The following ATP1A4 variants were observed in gnomAD, a reference collection of about 807,000 sequenced individuals.
ATP1A4 encodes ATPase Na+/K+ transporting subunit alpha 4, also known as sodium/potassium-transporting ATPase subunit alpha-4.
Under a neutral mutation model 114.3 loss-of-function variants are expected in ATP1A4, and 90 were observed. The observed-to-expected ratio is 0.79, with a 90% CI of 0.66 to 0.94. The LOEUF is 0.94. ATP1A4 is among the 40% of genes least tolerant of loss of function. ATP1A4 has a pLI of 0.00. For missense variants in ATP1A4, 1,222 were observed against 1,313.6 expected (o/e 0.93, Z 1.08); for synonymous variants, 511 against 494.1 (o/e 1.03, Z -0.45).
At chr1:160,163,959 C>T (rs1259212770) in intron 6 of ATP1A4, among the ~76,000 whole-genome samples, 197 bp from the exon 7 acceptor site, 2 of 152,128 alleles carry the variant, frequency 1.3e-5, no homozygotes, top group East Asian at 1.9e-4. Context: ...TCCTATCACT[C>T]AAGAAATTAC....
intron 9 of ATP1A4, 22 bp downstream of exon 9, chr1:160,167,099 G>T: frequency 6.2e-7 from 1 of 1,610,210 alleles, no homozygotes; most frequent in Admixed American, 1.7e-5. Flanking sequence ...AAGGGGAAGA[G>T]GGTACCTCAG....
At position 160,151,924 on chromosome 1, in the gene ATP1A4, C is replaced by T. The variant is rs1652466572; in HGVS notation, c.-117C>T. 12 of 1,207,718 alleles carry T rather than the reference C, an allele frequency of 9.9e-6. No homozygotes were observed. The highest frequency in any genetic ancestry group is 1.4e-5 in the Non-Finnish European group (12 of 878,088). The allele number at this position is 1,207,718 out of a possible 1,614,324, so 74.8% of individuals were successfully genotyped here. The stretch of plus-strand genomic sequence containing the variant: ...CTTTCTTTCTGCTCCCTCATTCTCT[C>T]CCCACCACTCTCTTCTCGTGGCCCC... On this transcript the variant is annotated 5_prime_UTR_variant, in exon 1 of 22. Coordinates refer to ENST00000368081, the MANE Select transcript of ATP1A4 (RefSeq NM_144699.4).
At position 160,173,617 on chromosome 1, in the gene ATP1A4, A is replaced by T; in HGVS notation, c.1891A>T (p.Lys631Ter). 6.2e-7 allele frequency: 1 copy of T among 1,614,200 alleles called. No homozygotes were observed. Among genetic ancestry groups the T allele is most frequent in the Non-Finnish European group, 8.5e-7 (1 of 1,180,028 alleles). The change falls in exon 13 of 22, where the codon AAG (lysine) becomes TAG (stop). Residue 631 changes from lysine (K) to a stop codon, truncating the protein, a stop_gained. Transcript: ENST00000368081. LOFTEE classifies it high-confidence loss of function. ...MVTGDHPITA[K>*]AIAKGVGIIS... ...AACAGGAGATCATCCCATTACAGCT[A>T]AGGCCATTGCCAAGGGTGTGGGCAT...
intron 20 of ATP1A4, among the ~76,000 whole-genome samples, chr1:160,183,799 A>T (rs566937119): frequency 1.2e-4 from 19 of 152,344 alleles, no homozygotes; most frequent in African/African-American, 4.3e-4. Flanking sequence ...GTTTTTCTAT[A>T]TTATAACTTC....
Position 160,159,528 on chromosome 1 carries a change from T to G in ATP1A4, c.778+2T>G. The G allele has an allele frequency of 6.2e-7, 1 of 1,605,938 alleles. No homozygotes were observed. The highest frequency in any genetic ancestry group is 8.5e-7 in the Non-Finnish European group (1 of 1,174,290). ...TCTTTTCCACCAACTGTGTGGAAGG[T>G]GAATATCGAACCATAAGTAGCATAG... On this transcript the variant is annotated splice_donor_variant, in intron 6 of 21. Transcript: ENST00000368081. LOFTEE classifies it high-confidence loss of function.
At chr1:160,156,789 T>A (rs1455935550) in intron 4 of ATP1A4, among the ~76,000 whole-genome samples, 6 of 151,774 alleles carry the variant, frequency 4.0e-5, no homozygotes, top group Non-Finnish European at 2.9e-5. Context: ...TCTCAAAAAA[T>A]AATAATAATA....
chr1:160,166,913 C>T (rs1207344463), intron 8 of ATP1A4, 55 bp from the exon 9 acceptor site: 25 of 1,576,612 alleles, frequency 1.6e-5, no homozygotes, highest in Middle Eastern at 1.7e-4. Flanking sequence ...TGTGAATAAC[C>T]GCTTGCTTAA....
chr1:160,180,329 C>T (rs534706580), intron 18 of ATP1A4, among the ~76,000 whole-genome samples: 7 of 152,192 alleles, frequency 4.6e-5, no homozygotes, highest in East Asian at 1.9e-4. Flanking sequence ...CATTATTGTG[C>T]GGTCCTACCT....
At chr1:160,180,775 C>T (rs150624120) in intron 18 of ATP1A4, among the ~76,000 whole-genome samples, 1 of 44,436 alleles carries the variant, frequency 2.3e-5, no homozygotes, top group African/African-American at 9.0e-5. Flanking sequence ...AGTGCAGTGG[C>T]ATGATCTCGG....
intron 12 of ATP1A4, 78 bp downstream of exon 12, chr1:160,171,835 A>T: frequency 7.1e-7 from 1 of 1,415,478 alleles, no homozygotes; most frequent in South Asian, 1.3e-5. Flanking sequence ...CGCAGAGTAG[A>T]TGCTTAATAC....
intron 5 of ATP1A4, 41 bp from the exon 6 acceptor site, chr1:160,159,368 T>A: frequency 6.5e-7 from 1 of 1,538,364 alleles, no homozygotes; most frequent in Non-Finnish European, 8.8e-7. Context: ...CTGCCTTTTT[T>A]CCTATGCTCA....
rs79838613 is a variant in ATP1A4, at chr1:160,162,768, G to A, written c.779-1388G>A. Among the ~76,000 whole-genome samples, 957 of 152,252 alleles carry A rather than the reference G, an allele frequency of 6.3e-3. 12 individuals carry two copies. The highest frequency in any genetic ancestry group is 0.022 in the African/African-American group (932 of 41,536). On this transcript the variant is annotated intron_variant, in intron 6 of 21. Transcript: ENST00000368081. ...AGAACCACTGTGTTAGGGGATAAGG[G>A]GATGTTGGAACATAGGGCTCTACCA...
chr1:160,171,467 A>G (rs781259012), intron 11 of ATP1A4, 27 bp downstream of exon 11: 2 of 1,610,112 alleles, frequency 1.2e-6, no homozygotes, highest in African/African-American at 1.3e-5. Flanking sequence ...GAAGTTTTTA[A>G]AAGAATGGCA....
chr1:160,166,475 GGT>G (rs1653038563), intron 7 of ATP1A4, 51 bp from the exon 8 acceptor site: 1 of 1,597,160 alleles, frequency 6.3e-7, no homozygotes, highest in East Asian at 2.2e-5. Context: ...AATGCAAAAT[GGT>G]GTGAGTATTC....
Position 160,155,152 on chromosome 1 carries a change from C to A in ATP1A4, c.315C>A (p.Phe105Leu). Residue 105 changes from phenylalanine (F) to leucine (L), a missense_variant, in exon 3 of 22, where the codon TTC becomes TTA. Transcript: ENST00000368081. ...GGGTCAAATTCTGTAAGCAACTGTT[C>A]GGAGGCTTCTCCCTCCTACTATGGA... The part of the protein sequence containing the change: ...PEWVKFCKQL[F>L]GGFSLLLWTG... 1 of 1,605,154 alleles carries A rather than the reference C, an allele frequency of 6.2e-7. No homozygotes were observed.
chr1:160,163,207 A>C (rs1652918209), intron 6 of ATP1A4, among the ~76,000 whole-genome samples: 1 of 152,192 alleles, frequency 6.6e-6, no homozygotes, highest in Admixed American at 6.5e-5. Context: ...TGAACACAGA[A>C]CACTTCTGTG....
Position 160,182,031 on chromosome 1 carries a change from A to G in ATP1A4, c.2969A>G (p.Lys990Arg). 1 of 1,612,464 alleles carries G rather than the reference A, an allele frequency of 6.2e-7. No individual in the cohort carries two copies. Among genetic ancestry groups the G allele is most frequent in the African/African-American group, 1.3e-5 (1 of 74,980 alleles). ...GTGGCCCTGCGAATGTACCCACTCAAGTGAGTAAGGGAAGGGATGCAAGCA... is the reference window on the plus strand; with the variant it reads ...GTGGCCCTGCGAATGTACCCACTCAGGTGAGTAAGGGAAGGGATGCAAGCA... ...MDVALRMYPL[K>R]ITWWLCAIPY... Residue 990 changes from lysine (K) to arginine (R), a missense_variant and splice_region_variant, in exon 20 of 22, where the codon AAG (lysine) becomes AGG (arginine). Coordinates refer to ENST00000368081, the MANE Select transcript of ATP1A4 (RefSeq NM_144699.4).
intron 7 of ATP1A4, among the ~76,000 whole-genome samples, chr1:160,165,832 G>A (rs2101635716): frequency 6.6e-6 from 1 of 152,324 alleles, no homozygotes; most frequent in Admixed American, 6.5e-5. Context: ...GTGGTCCCTG[G>A]AAAGATTGGA....
At chr1:160,178,914 C>T (rs1021875076) in intron 18 of ATP1A4, among the ~76,000 whole-genome samples, 3 of 152,180 alleles carry the variant, frequency 2.0e-5, no homozygotes, top group Non-Finnish European at 2.9e-5. Context: ...GGTCATGTGA[C>T]ATGTGACAGC....
Sources: allele counts gnomAD v4.1 joint callset (sites outside exome capture counted in the v4.1 genomes callset), GRCh38; gene constraint gnomAD v4.1.1; transcripts MANE v1.5; gene names NCBI Gene and HGNC (gene_info 2026-07-23, HGNC 2026-07-21).